The following COL8A2 variants were observed in gnomAD, a reference collection of about 807,000 sequenced individuals.
COL8A2 encodes the protein collagen type VIII alpha 2 chain, also known as collagen alpha-2(VIII) chain.
Under a neutral mutation model 24.0 loss-of-function variants are expected in COL8A2, and 16 were observed. That is an observed-to-expected ratio of 0.67 (90% CI 0.45 to 1.01). COL8A2 has a LOEUF of 1.01. Ranked by LOEUF, COL8A2 falls within the 50% of genes least tolerant of loss-of-function variation. The pLI is 0.00. For synonymous variants in COL8A2, 466 were observed against 424.5 expected (o/e 1.10, Z -1.20); for missense variants, 818 against 942.4 (o/e 0.87, Z 1.73).
At chr1:36,109,326 C>G (rs1044356927) in intron 2 of COL8A2, among the ~76,000 whole-genome samples, 1 of 152,218 alleles carries the variant, frequency 6.6e-6, no homozygotes, top group Non-Finnish European at 1.5e-5. Context: ...ACTCCTCTCT[C>G]CCCTCCTCCT....
At chr1:36,100,771 C>A (rs2124077913) in intron 2 of COL8A2, among the ~76,000 whole-genome samples, 1 of 151,996 alleles carries the variant, frequency 6.6e-6, no homozygotes, top group East Asian at 1.9e-4. Context: ...CTTGAGGAAG[C>A]CAGAGATGGG....
chr1:36,102,664 GTTTTTTGTTTTTTT>G (rs1451323980), intron 2 of COL8A2, among the ~76,000 whole-genome samples: 5 of 94,780 alleles, frequency 5.3e-5, no homozygotes, highest in Non-Finnish European at 9.9e-5. Context: ...TATAAAGCTG[GTTTTTTGTTTTTTT>G]TTTTTTTTTT....
rs1247086488 is a variant in COL8A2, at chr1:36,110,268, A to T, written c.-17+5440T>A. Among the ~76,000 whole-genome samples the T allele has an allele frequency of 2.2e-4, 5 of 22,410 alleles. No individual in the cohort carries two copies. In the South Asian group the frequency reaches 6.2e-3, roughly 28 times the overall value. 14.7% of individuals were successfully genotyped at this position (22,410 alleles called of 152,430 possible). A position where few individuals can be genotyped will look rare whatever the true frequency, so the allele number is the denominator to read the frequency against. On this transcript the variant is annotated intron_variant, in intron 2 of 3. Coordinates refer to ENST00000397799, the MANE Select transcript of COL8A2 (RefSeq NM_005202.4). ...TGTCTTAATGAGCTTGCTCTCATTT[A>T]AAAAAAAAAAAAAAAAGGATTAACT...
At position 36,117,066 on chromosome 1, in the gene COL8A2, G is replaced by A. The variant is rs558508332; in HGVS notation, c.-61-1314C>T. On this transcript the variant is annotated intron_variant, in intron 1 of 3. Transcript: ENST00000397799. Reference sequence around the variant, plus strand: ...CACCTGGCAGGGAGGCCTGCAGGCCGCGTCACTCTCTCCCCCAGCTGCTTG... The same window carrying A: ...CACCTGGCAGGGAGGCCTGCAGGCCACGTCACTCTCTCCCCCAGCTGCTTG... 8.5e-5 allele frequency among the ~76,000 whole-genome samples: 13 copies of A among 152,342 alleles called. No individual in the cohort carries two copies. The South Asian group carries it at 1.7e-3, about 19-fold the overall frequency.
Position 36,098,096 on chromosome 1 carries a change from G to C in COL8A2, c.1585C>G (p.Pro529Ala). 6.5e-7 allele frequency: 1 copy of C among 1,529,004 alleles called. No homozygotes were observed. The highest frequency in any genetic ancestry group is 8.7e-7 in the Non-Finnish European group (1 of 1,146,924). 94.7% of individuals were successfully genotyped at this position (1,529,004 alleles called of 1,614,324 possible). A position where few individuals can be genotyped will look rare whatever the true frequency, so the allele number is the denominator to read the frequency against. Reference sequence around the variant, plus strand: ...TCGAAGGCCCCAGGGGCACCAGGGGGTCCCGGGGGCCCGGGAGGCCCCGGA... The same window carrying C: ...TCGAAGGCCCCAGGGGCACCAGGGGCTCCCGGGGGCCCGGGAGGCCCCGGA... ...GPPGPPGPPG[P>A]PGAPGAFDET... Residue 529 changes from proline (P) to alanine (A), a missense_variant, in exon 4 of 4, where the codon CCC (proline) becomes GCC (alanine). Physicochemically the swap from Pro to Ala is conservative, Grantham distance 27. Around this residue, in one of 3 missense-constraint regions of COL8A2, gnomAD observed 235 missense variants for 297.3 expected, o/e 0.79. Transcript: ENST00000397799.
At chr1:36,106,744 G>A (rs1431246401) in intron 2 of COL8A2, among the ~76,000 whole-genome samples, 1 of 152,134 alleles carries the variant, frequency 6.6e-6, no homozygotes, top group Non-Finnish European at 1.5e-5. Context: ...GCAGCCAGGA[G>A]CCCAGGCGGC....
chr1:36,118,169 C>T (rs1643888540), intron 1 of COL8A2, among the ~76,000 whole-genome samples: 1 of 152,224 alleles, frequency 6.6e-6, no homozygotes, highest in Non-Finnish European at 1.5e-5. Context: ...ACTGCTGTCC[C>T]ATTTTACTGA....
At chr1:36,110,575 C>T (rs1246127536) in intron 2 of COL8A2, among the ~76,000 whole-genome samples, 1 of 152,150 alleles carries the variant, frequency 6.6e-6, no homozygotes, top group African/African-American at 2.4e-5. Context: ...CTGGAGCCTC[C>T]ACCTCCTGAG....
At position 36,123,192 on chromosome 1, in the gene COL8A2, A is replaced by G. The variant is rs1439513332; in HGVS notation, c.-62+1865T>C. On this transcript the variant is annotated intron_variant, in intron 1 of 3. Transcript: ENST00000397799. The surrounding 1 kb of genome is among the most constrained non-coding windows in gnomAD (Gnocchi z 4.1). ...TCTCTCGTTCCTCCGACCCGACACT[A>G]TAATTTCCTCCTGCCACGGATGGGA... is the stretch of plus-strand genomic sequence containing the variant. Among the ~76,000 whole-genome samples, 4 of 152,124 alleles carry G rather than the reference A, an allele frequency of 2.6e-5. No individual in the cohort carries two copies. The highest frequency in any genetic ancestry group is 3.9e-4 in the East Asian group (2 of 5,188).
At position 36,116,785 on chromosome 1, in the gene COL8A2, T is replaced by C. The variant is rs187521351; in HGVS notation, c.-61-1033A>G. Among the ~76,000 whole-genome samples the C allele has an allele frequency of 1.1e-3, 165 of 152,098 alleles. 1 individual carries two copies. The highest frequency in any genetic ancestry group is 1.5e-3 in the Non-Finnish European group (103 of 67,970). ...GTGGGATGGGGAGGCTGGGGCAACA[T>C]GGTGAGGAAATCTGAATGCCATGCT... is the stretch of plus-strand genomic sequence containing the variant. On this transcript the variant is annotated intron_variant, in intron 1 of 3. Transcript: ENST00000397799.
At chr1:36,114,510 TC>T (rs1643870480) in intron 2 of COL8A2, among the ~76,000 whole-genome samples, 1 of 152,064 alleles carries the variant, frequency 6.6e-6, no homozygotes, top group Non-Finnish European at 1.5e-5. Context: ...CCCTGCCTTT[TC>T]CTGCATGATC....
At position 36,098,055 on chromosome 1, in the gene COL8A2, T is replaced by A; in HGVS notation, c.1626A>T (p.Ala542=). 1 of 1,584,424 alleles carries A rather than the reference T, an allele frequency of 6.3e-7. No individual in the cohort carries two copies. The highest frequency in any genetic ancestry group is 8.5e-7 in the Non-Finnish European group (1 of 1,169,724). ...APGAFDETGI[A]GLHLPNGGVE... is the part of the protein sequence containing the mutation. Reference sequence around the variant, plus strand: ...CACCGCCGTTGGGCAGGTGCAAGCCTGCGATGCCAGTCTCATCGAAGGCCC... The same window carrying A: ...CACCGCCGTTGGGCAGGTGCAAGCCAGCGATGCCAGTCTCATCGAAGGCCC... The change falls in exon 4 of 4, where the codon GCA becomes GCT. Residue 542 remains alanine (A), a synonymous_variant. Transcript: ENST00000397799.
chr1:36,123,417 T>G lies in COL8A2; in HGVS notation c.-62+1640A>C, dbSNP rs1213158577. Reference sequence around the variant, plus strand: ...TGCTTAGTATCTTTCTCCTCCCTCTTGCTAACAGACACATTCACTTCCATA... The same window carrying G: ...TGCTTAGTATCTTTCTCCTCCCTCTGGCTAACAGACACATTCACTTCCATA... On this transcript the variant is annotated intron_variant, in intron 1 of 3. Transcript: ENST00000397799. This position sits in a 1 kb window ranked among gnomAD's most constrained non-coding sequence, Gnocchi z 4.1. 3.9e-5 allele frequency among the ~76,000 whole-genome samples: 6 copies of G among 152,226 alleles called. No homozygotes were observed. The East Asian group carries it at 9.6e-4, about 24-fold the overall frequency.
chr1:36,105,241 C>G (rs778368668), intron 2 of COL8A2, among the ~76,000 whole-genome samples: 2 of 152,206 alleles, frequency 1.3e-5, no homozygotes, highest in Non-Finnish European at 2.9e-5. Flanking sequence ...CCAACCCACT[C>G]TGTAACCTCA....
chr1:36,117,000 C>T (rs942700579), intron 1 of COL8A2, among the ~76,000 whole-genome samples: 10 of 152,238 alleles, frequency 6.6e-5, no homozygotes, highest in Admixed American at 1.3e-4. Flanking sequence ...CAGACCCAGA[C>T]ATGACTCCGG....
chr1:36,108,045 A>C (rs1643786311), intron 2 of COL8A2, among the ~76,000 whole-genome samples: 1 of 152,102 alleles, frequency 6.6e-6, no homozygotes, highest in Admixed American at 6.5e-5. Context: ...CCAGTGTTTG[A>C]TGAACTCAAT....
At chr1:36,099,898 C>T (rs1643648653) in intron 3 of COL8A2, 152 bp downstream of exon 3, 1 of 739,458 alleles carries the variant, frequency 1.4e-6, no homozygotes, top group African/African-American at 1.7e-5. Flanking sequence ...TTTCCAGGCC[C>T]TCTGGGGTAT....
intron 1 of COL8A2, among the ~76,000 whole-genome samples, chr1:36,116,377 T>A (rs274132): frequency 1.3e-5 from 2 of 152,152 alleles, no homozygotes; most frequent in African/African-American, 2.4e-5. Context: ...CGGGTTCCCA[T>A]GCTGGAGAAG....
intron 1 of COL8A2, among the ~76,000 whole-genome samples, chr1:36,116,366 C>A (rs2124105234): frequency 6.6e-6 from 1 of 152,324 alleles, no homozygotes; most frequent in Non-Finnish European, 1.5e-5. Flanking sequence ...CTTCTGTGTC[C>A]CGGGTTCCCA....
Sources: allele counts gnomAD v4.1 joint callset (sites outside exome capture counted in the v4.1 genomes callset), GRCh38; gene constraint gnomAD v4.1.1; regional missense constraint gnomAD v4.1.1; non-coding constraint Gnocchi (gnomAD v3.1); transcripts MANE v1.5; gene names NCBI Gene and HGNC (gene_info 2026-07-23, HGNC 2026-07-21).